Variants in AGBL1 observed in about 807,000 individuals in gnomAD.
The protein encoded by AGBL1 is cytosolic carboxypeptidase 4.
Under a neutral mutation model 118.9 loss-of-function variants are expected in AGBL1, and 130 were observed. The ratio of observed to expected loss-of-function variants is 1.09; its 90% CI spans 0.95 to 1.26. The LOEUF is 1.26. Ranked by LOEUF, AGBL1 falls within the 50% of genes most tolerant of loss-of-function variation. AGBL1 has a pLI of 0.00. For synonymous variants in AGBL1, 555 were observed against 478.9 expected, an observed-to-expected ratio of 1.16 and a Z score of -2.08; for missense variants, 1,584 against 1,298.1, an observed-to-expected ratio of 1.22 and a Z score of -3.38.
rs114281953 is a variant in AGBL1 at position 86,780,113 on chromosome 15, T to G, written c.3158+105677T>G. On this transcript the variant is annotated intron_variant, in intron 22 of 22. Coordinates refer to ENST00000614907, the MANE Select transcript of AGBL1 (RefSeq NM_001386094.1). Reference sequence around the variant, plus strand: ...GTTTTTAAACCTCTATTGTCTTACCTTTCACATTTAGGTCTATGATCCACT... The same window carrying G: ...GTTTTTAAACCTCTATTGTCTTACCGTTCACATTTAGGTCTATGATCCACT... Among the ~76,000 whole-genome samples, 625 of 152,330 alleles carry G rather than the reference T, an allele frequency of 4.1e-3. 4 individuals carry two copies. The highest frequency in any genetic ancestry group is 0.013 in the African/African-American group (561 of 41,584).
chr15:86,441,082 C>T (rs2082059231), intron 18 of AGBL1, among the ~76,000 whole-genome samples: 1 of 152,144 alleles, frequency 6.6e-6, no homozygotes, highest in Admixed American at 6.5e-5. Context: ...CTACTATAAT[C>T]TCTCAAGAAA....
intron 22 of AGBL1, among the ~76,000 whole-genome samples, chr15:86,720,009 G>C (rs961314350): frequency 6.6e-6 from 1 of 152,058 alleles, no homozygotes; most frequent in African/African-American, 2.4e-5. Context: ...CTGCTTCAGG[G>C]GTTGACTCTG....
At chr15:86,489,185 G>A (rs1015795316) in intron 18 of AGBL1, among the ~76,000 whole-genome samples, 4 of 152,058 alleles carry the variant, frequency 2.6e-5, no homozygotes, top group Admixed American at 6.5e-5. Flanking sequence ...CACTGCCCTG[G>A]CATCTTTGCC....
intron 21 of AGBL1, among the ~76,000 whole-genome samples, chr15:86,561,316 T>C (rs1476723537): frequency 6.6e-6 from 1 of 152,212 alleles, no homozygotes; most frequent in African/African-American, 2.4e-5. Flanking sequence ...CTTTAATCCA[T>C]CTTGAATGAA....
chr15:86,608,240 T>C (rs1469972879), intron 21 of AGBL1, among the ~76,000 whole-genome samples: 1 of 152,104 alleles, frequency 6.6e-6, no homozygotes, highest in Non-Finnish European at 1.5e-5. Context: ...CACTACAAGG[T>C]TTTGGTCACA....
At chr15:86,670,989 G>A (rs2085737533) in intron 21 of AGBL1, among the ~76,000 whole-genome samples, 1 of 152,042 alleles carries the variant, frequency 6.6e-6, no homozygotes, top group South Asian at 2.1e-4. Flanking sequence ...TTTTCTAGCA[G>A]CATTGGCATC....
intron 22 of AGBL1, among the ~76,000 whole-genome samples, chr15:86,809,783 C>A (rs1349627868): frequency 6.6e-6 from 1 of 152,084 alleles, no homozygotes; most frequent in African/African-American, 2.4e-5. Flanking sequence ...GTAGATCACA[C>A]GTTTTCAATG....
chr15:86,129,100 T>A (rs1233461560), intron 1 of AGBL1, among the ~76,000 whole-genome samples: 2 of 152,228 alleles, frequency 1.3e-5, no homozygotes, highest in Non-Finnish European at 2.9e-5. Flanking sequence ...AATACTGTAG[T>A]GGGAATATGA....
downstream of AGBL1, among the ~76,000 whole-genome samples, chr15:87,031,435 T>TA (rs958161420): frequency 7.9e-5 from 12 of 150,998 alleles, no homozygotes; most frequent in South Asian, 1.7e-3. Context: ...TAAGTGCAGA[T>TA]AAAAAATGTA....
chr15:86,328,232 A>T (rs565761142), intron 17 of AGBL1, among the ~76,000 whole-genome samples: 1 of 152,328 alleles, frequency 6.6e-6, no homozygotes, highest in Non-Finnish European at 1.5e-5. Flanking sequence ...CTCCCACAAC[A>T]AGAGCAAAAA....
intron 22 of AGBL1, among the ~76,000 whole-genome samples, chr15:86,757,703 G>A (rs111563049): frequency 5.3e-5 from 8 of 151,930 alleles, no homozygotes; most frequent in Non-Finnish European, 7.4e-5. Context: ...TCTTGGCCAC[G>A]TTCTTTTAGT....
At chr15:86,989,877 G>A (rs913132677) in intron 24 of AGBL1, among the ~76,000 whole-genome samples, 17 of 152,298 alleles carry the variant, frequency 1.1e-4, no homozygotes, top group Middle Eastern at 3.4e-3. Flanking sequence ...ATTGGCAAGC[G>A]CAAAGGCCCT....
intron 22 of AGBL1, among the ~76,000 whole-genome samples, chr15:86,751,686 A>G (rs1354227939): frequency 6.6e-6 from 1 of 152,184 alleles, no homozygotes; most frequent in Non-Finnish European, 1.5e-5. Context: ...TTCAATGACC[A>G]TCTTATAGAT....
chr15:86,168,673 ATGATAAAATAT>A (rs1269701197), intron 5 of AGBL1, among the ~76,000 whole-genome samples: 1 of 152,242 alleles, frequency 6.6e-6, no homozygotes, highest in Non-Finnish European at 1.5e-5. Context: ...GAAACAGCTT[ATGATAAAATAT>A]TGACTAGAAA....
At chr15:86,560,756 A>G (rs960393186) in intron 21 of AGBL1, among the ~76,000 whole-genome samples, 4 of 152,224 alleles carry the variant, frequency 2.6e-5, no homozygotes, top group Non-Finnish European at 4.4e-5. Context: ...AGTCCCACCA[A>G]CAGTGTAAAA....
intron 22 of AGBL1, among the ~76,000 whole-genome samples, chr15:86,753,867 T>C (rs1333150609): frequency 6.6e-6 from 1 of 152,130 alleles, no homozygotes; most frequent in Non-Finnish European, 1.5e-5. Flanking sequence ...TCTCCCTCTA[T>C]CCCAGTGTCT....
At chr15:86,119,382 A>G (rs1025521028) in intron 1 of AGBL1, among the ~76,000 whole-genome samples, 2 of 151,142 alleles carry the variant, frequency 1.3e-5, no homozygotes, top group Non-Finnish European at 2.9e-5. Flanking sequence ...CCTTCTTGCT[A>G]CTGATGGGCT....
At chr15:86,455,333 C>A (rs149680304) in intron 18 of AGBL1, among the ~76,000 whole-genome samples, 106 of 152,204 alleles carry the variant, frequency 7.0e-4, no homozygotes, top group African/African-American at 2.5e-3. Flanking sequence ...AAGCCAGGGT[C>A]AGAGAAGTTA....
chr15:86,577,565 A>T (rs2084109702), intron 21 of AGBL1, among the ~76,000 whole-genome samples: 1 of 152,190 alleles, frequency 6.6e-6, no homozygotes, highest in Non-Finnish European at 1.5e-5. Flanking sequence ...CAATGGGGAA[A>T]ATGTCTCCAG....
Sources: allele counts gnomAD v4.1 joint callset (sites outside exome capture counted in the v4.1 genomes callset), GRCh38; gene constraint gnomAD v4.1.1; transcripts MANE v1.5; gene names NCBI Gene and HGNC (gene_info 2026-07-23, HGNC 2026-07-21).